The following DEF6 variants were observed in gnomAD, a reference collection of about 807,000 sequenced individuals.
DEF6 encodes differentially expressed in FDCP 6 homolog.
A neutral mutation model predicts 80.5 loss-of-function variants in DEF6; 32 were observed. The observed-to-expected ratio is 0.40, with a 90% confidence interval of 0.30 to 0.53. DEF6 has a LOEUF of 0.53. Among genes scored for constraint, DEF6 ranks in the 20% least tolerant of loss-of-function variants. The pLI is 0.57. For synonymous variants in DEF6, 300 were observed against 337.9 expected (o/e 0.89, Z 1.23); for missense variants, 575 against 818.7 (o/e 0.70, Z 3.63).
intron 2 of DEF6, among the ~76,000 whole-genome samples, chr6:35,310,013 G>A (rs73409778): frequency 0.027 from 3,912 of 143,372 alleles, 65 homozygotes; most frequent in Middle Eastern, 0.056. Flanking sequence ...CACCTTCAAT[G>A]TCCCTCATCT....
At chr6:35,315,098 C>T (rs980860302) in intron 5 of DEF6, among the ~76,000 whole-genome samples, 1 of 152,154 alleles carries the variant, frequency 6.6e-6, no homozygotes, top group African/African-American at 2.4e-5. Flanking sequence ...GGATTTATAT[C>T]TAGGTTATCT....
At chr6:35,311,705 G>A (rs1046642773) in intron 3 of DEF6, among the ~76,000 whole-genome samples, 12 of 152,116 alleles carry the variant, frequency 7.9e-5, no homozygotes, top group African/African-American at 2.7e-4. Context: ...CACCACTTCC[G>A]GTTCCTCTGT....
In DEF6 at chr6:35,321,361, C is replaced by T. The variant is rs139752766; in HGVS notation, c.1847C>T (p.Pro616Leu). 5.9e-5 allele frequency: 96 copies of T among 1,613,984 alleles called. 1 individual carries two copies. Among genetic ancestry groups the T allele is most frequent in the Admixed American group, 1.3e-4 (8 of 59,990 alleles). The change falls in exon 11 of 11, where the codon CCG (proline) becomes CTG (leucine). Residue 616 changes from proline to leucine, a missense_variant. Pro to Leu is a moderately conservative substitution (Grantham distance 98). Transcript: ENST00000316637. ...AATGGTGGGGATGAGGCTCCTGCCC[C>T]GGCTTCCACCCCTCAGGAAGATAAA... ...SLNGGDEAPAPASTPQEDKLD... is the reference protein window; with the variant it reads ...SLNGGDEAPALASTPQEDKLD...
chr6:35,319,522 A>C lies in DEF6; in HGVS notation c.1216-2A>C, dbSNP rs1582234980. 5.1e-6 allele frequency: 7 copies of C among 1,384,724 alleles called. No homozygotes were observed. Among genetic ancestry groups the C allele is most frequent in the East Asian group, 3.3e-5 (1 of 30,602 alleles). 85.8% of individuals were successfully genotyped at this position (1,384,724 alleles called of 1,614,324 possible). A position where few individuals can be genotyped will look rare whatever the true frequency, so the allele number is the denominator to read the frequency against. Reference sequence around the variant, plus strand: ...TTGGTCCACCACCTCCCCCCTCCACAGGCCCGGGCCTCCATGCAGGCTGAG... The same window carrying C: ...TTGGTCCACCACCTCCCCCCTCCACCGGCCCGGGCCTCCATGCAGGCTGAG... On this transcript the variant is annotated splice_acceptor_variant, in intron 7 of 10. Transcript: ENST00000316637. LOFTEE classifies it high-confidence loss of function. The surrounding 1 kb of genome is among the most constrained non-coding windows in gnomAD (Gnocchi z 4.5).
At position 35,312,875 on chromosome 6, in the gene DEF6, C is replaced by T; in HGVS notation, c.807+103C>T. 1 of 1,348,240 alleles carries T rather than the reference C, an allele frequency of 7.4e-7. No homozygotes were observed. The highest frequency in any genetic ancestry group is 1.0e-6 in the Non-Finnish European group (1 of 985,492). The allele number at this position is 1,348,240 out of a possible 1,614,324, so 83.5% of individuals were successfully genotyped here. A position where few individuals can be genotyped will look rare whatever the true frequency, so the allele number is the denominator to read the frequency against. On this transcript the variant is annotated intron_variant, in intron 5 of 10. Transcript: ENST00000316637. This position sits in a 1 kb window ranked among gnomAD's most constrained non-coding sequence, Gnocchi z 6.6. ...GAGAGGGGCAAATGGAGAAAAGCCA[C>T]AGTGACACAAATTCCTGCTTAGATT...
In DEF6 at chr6:35,321,301, C is replaced by A; in HGVS notation, c.1787C>A (p.Pro596His). Residue 596 changes from proline to histidine, a missense_variant, in exon 11 of 11, where the codon CCC becomes CAC. Physicochemically the swap from Pro to His is moderately conservative, Grantham distance 77. Transcript: ENST00000316637. ...TGGGGATCCCAGGGCAACAGGACCC[C>A]CTCGCCCAACAGCAATGAGCAGCAG... ...TRWGSQGNRT[P>H]SPNSNEQQKS... 6.2e-7 allele frequency: 1 copy of A among 1,614,138 alleles called. No individual in the cohort carries two copies. The highest frequency in any genetic ancestry group is 8.5e-7 in the Non-Finnish European group (1 of 1,180,028).
Position 35,319,647 on chromosome 6 carries a change from A to G in DEF6, c.1339A>G (p.Lys447Glu). ...GCAGGAGGCCCTGCAACTAGAGGTG[A>G]AAGCTCGGCGAGATGAAGAATCTGT... ...RLQEALQLEV[K>E]ARRDEESVRI... is the part of the protein sequence containing the mutation. Residue 447 changes from lysine (K) to glutamate (E), a missense_variant, in exon 8 of 11, where the codon AAA becomes GAA. Transcript: ENST00000316637. The surrounding 1 kb of genome is among the most constrained non-coding windows in gnomAD (Gnocchi z 4.5). 6.2e-7 allele frequency: 1 copy of G among 1,613,618 alleles called. No individual in the cohort carries two copies. Among genetic ancestry groups the G allele is most frequent in the South Asian group, 1.1e-5 (1 of 91,030 alleles).
intron 5 of DEF6, among the ~76,000 whole-genome samples, chr6:35,316,651 A>C (rs1440226256): frequency 1.3e-5 from 2 of 152,216 alleles, no homozygotes; most frequent in East Asian, 3.8e-4. Context: ...GGGTCTATTG[A>C]AATGATCATA....
chr6:35,298,589 G>C (rs1791273460), intron 1 of DEF6, among the ~76,000 whole-genome samples: 1 of 152,170 alleles, frequency 6.6e-6, no homozygotes, highest in South Asian at 2.1e-4. Flanking sequence ...GTAGGGAAGG[G>C]GGAGAATCTA....
rs764255696 is a variant in DEF6 at position 35,312,591 on chromosome 6, G to T, written c.661-35G>T. Reference sequence around the variant, plus strand: ...CACACAAGGTGCAGGGCGAAGGGGGGCCTGGGAAGCCTCTGACGTAACTCC... The same window carrying T: ...CACACAAGGTGCAGGGCGAAGGGGGTCCTGGGAAGCCTCTGACGTAACTCC... On this transcript the variant is annotated intron_variant, in intron 4 of 10. Coordinates refer to ENST00000316637, the MANE Select transcript of DEF6 (RefSeq NM_022047.4). This position sits in a 1 kb window ranked among gnomAD's most constrained non-coding sequence, Gnocchi z 6.6. 1.9e-6 allele frequency: 3 copies of T among 1,614,056 alleles called. No homozygotes were observed. Among genetic ancestry groups the T allele is most frequent in the Non-Finnish European group, 2.5e-6 (3 of 1,179,946 alleles).
chr6:35,316,183 AAG>A (rs1791524345), intron 5 of DEF6: 1 of 149,934 alleles, frequency 6.7e-6, no homozygotes, highest in African/African-American at 2.5e-5. Context: ...TTTTTTTTTT[AAG>A]AGAGAGACAG....
intron 1 of DEF6, among the ~76,000 whole-genome samples, chr6:35,304,234 T>C (rs1195158124): frequency 6.6e-6 from 1 of 152,042 alleles, no homozygotes; most frequent in Non-Finnish European, 1.5e-5. Context: ...TATGGGAAGA[T>C]CACCTGAGCC....
At position 35,317,929 on chromosome 6, in the gene DEF6, T is replaced by C. The variant is rs747282181; in HGVS notation, c.846T>C (p.Cys282=). ...PDRDGKRCMF[C]VKTANRTYEM... The stretch of plus-strand genomic sequence containing the variant: ...GCGACGGAAAGCGCTGCATGTTCTG[T>C]GTGAAGACAGCCAACCGCACGTATG... Residue 282 remains cysteine (C), a synonymous_variant, in exon 6 of 11, where the codon TGT becomes TGC. Transcript: ENST00000316637. 10 of 1,613,804 alleles carry C rather than the reference T, an allele frequency of 6.2e-6. No homozygotes were observed. The Admixed American group carries it at 1.7e-4, about 27-fold the overall frequency.
intron 5 of DEF6, among the ~76,000 whole-genome samples, chr6:35,315,448 C>T (rs1392986213): frequency 4.6e-5 from 4 of 86,374 alleles, no homozygotes; most frequent in East Asian, 2.7e-4. Flanking sequence ...TTTGTAGTTC[C>T]GTATAAATTT....
In DEF6 at chr6:35,320,115, G is replaced by A. The variant is rs928713315; in HGVS notation, c.1581+98G>A. 3.3e-6 allele frequency: 4 copies of A among 1,218,790 alleles called. No homozygotes were observed. In the African/African-American group the frequency reaches 6.0e-5, roughly 18 times the overall value. 75.5% of individuals were successfully genotyped at this position (1,218,790 alleles called of 1,614,324 possible). On this transcript the variant is annotated intron_variant, in intron 9 of 10. Coordinates refer to ENST00000316637, the MANE Select transcript of DEF6 (RefSeq NM_022047.4). ...TGCCTTCCCTCAAACCCTGGCCCTA[G>A]CAGCTGCTGGCTGTGTGACTTTGGA...
intron 1 of DEF6, among the ~76,000 whole-genome samples, chr6:35,299,495 C>G (rs1302898368): frequency 6.6e-6 from 1 of 152,160 alleles, no homozygotes; most frequent in Non-Finnish European, 1.5e-5. Flanking sequence ...AAGTGGCTCC[C>G]CTTTTCCTGG....
intron 10 of DEF6, 70 bp from the exon 11 acceptor site, chr6:35,321,117 C>A: frequency 6.4e-7 from 1 of 1,566,418 alleles, no homozygotes. Context: ...CCTCTGAGGG[C>A]TGAGGCAAGG....
chr6:35,304,704 G>A (rs990656172), intron 1 of DEF6, among the ~76,000 whole-genome samples: 16 of 152,012 alleles, frequency 1.1e-4, no homozygotes, highest in Admixed American at 1.0e-3. Context: ...AGTGAATGGG[G>A]GACATTATAC....
At position 35,308,749 on chromosome 6, in the gene DEF6, T is replaced by TA; in HGVS notation, c.97-917dup. The stretch of plus-strand genomic sequence containing the variant: ...AAATAAATAAAATAATAAAATAAAA[T>TA]AAAATAAAATAAAAAACAGTTTTAA... On this transcript the variant is annotated intron_variant, in intron 1 of 10. Coordinates refer to ENST00000316637, the MANE Select transcript of DEF6 (RefSeq NM_022047.4). Among the ~76,000 whole-genome samples, 3 of 148,402 alleles carry TA rather than the reference T, an allele frequency of 2.0e-5. No homozygotes were observed. In the South Asian group the frequency reaches 6.6e-4, roughly 33 times the overall value.
Sources: gnomAD v4.1 joint callset for allele counts (sites outside exome capture counted in the v4.1 genomes callset) on GRCh38, gnomAD v4.1.1 for gene constraint, Gnocchi (gnomAD v3.1) non-coding constraint, MANE v1.5 for transcripts, NCBI Gene and HGNC (gene_info 2026-07-23, HGNC 2026-07-21) for gene names.